Variants in LSAMP observed in about 807,000 individuals in gnomAD.
LSAMP encodes the protein limbic system associated membrane protein.
A neutral mutation model predicts 38.6 loss-of-function variants in LSAMP; 7 were observed. The ratio of observed to expected loss-of-function variants is 0.18; its 90% CI spans 0.10 to 0.34. LSAMP has a LOEUF of 0.34. Ranked by LOEUF, LSAMP falls within the 10% of genes least tolerant of loss-of-function variation. LSAMP has a pLI of 1.00. For missense variants in LSAMP, 313 were observed against 420.0 expected, an observed-to-expected ratio of 0.75 and a Z score of 2.23; for synonymous variants, 154 against 166.8, an observed-to-expected ratio of 0.92 and a Z score of 0.59.
chr3:116,214,312 T>C (rs895898653), intron 1 of LSAMP, among the ~76,000 whole-genome samples: 2 of 152,118 alleles, frequency 1.3e-5, no homozygotes, highest in African/African-American at 4.8e-5. Context: ...TCAGGTCGTG[T>C]TCAAAGAATT....
At chr3:116,274,828 G>A (rs757366321) in intron 1 of LSAMP, among the ~76,000 whole-genome samples, 3 of 151,824 alleles carry the variant, frequency 2.0e-5, no homozygotes, top group African/African-American at 7.3e-5. Context: ...TAGGCACGCT[G>A]TAGTCTTTTT....
chr3:116,087,241 G>A (rs1451937674), intron 1 of LSAMP, among the ~76,000 whole-genome samples: 1 of 152,186 alleles, frequency 6.6e-6, no homozygotes, highest in African/African-American at 2.4e-5. Context: ...CTAAATGCAG[G>A]CAATCTTTAA....
At chr3:116,375,712 A>G (rs1034945654) in intron 1 of LSAMP, among the ~76,000 whole-genome samples, 1 of 151,942 alleles carries the variant, frequency 6.6e-6, no homozygotes, top group South Asian at 2.1e-4. Context: ...GTTGAGGATC[A>G]TAAAAATCAT....
At chr3:116,047,285 C>T (rs1941308466) in intron 2 of LSAMP, among the ~76,000 whole-genome samples, 1 of 151,502 alleles carries the variant, frequency 6.6e-6, no homozygotes, top group Non-Finnish European at 1.5e-5. Flanking sequence ...CAGAAAAATC[C>T]TATATAGAGG....
chr3:115,931,586 C>T (rs184890154), intron 3 of LSAMP, among the ~76,000 whole-genome samples: 320 of 152,292 alleles, frequency 2.1e-3, no homozygotes, highest in African/African-American at 7.5e-3. Flanking sequence ...TCTCTTCTTT[C>T]TCCTTGTCAT....
chr3:116,445,466 T>C lies in LSAMP; in HGVS notation c.-435A>G, dbSNP rs1448953383. The C allele has an allele frequency of 4.5e-6, 2 of 446,476 alleles. No homozygotes were observed. Among genetic ancestry groups the C allele is most frequent in the Non-Finnish European group, 7.8e-6 (2 of 256,106 alleles). The allele number at this position is 446,476 out of a possible 1,614,324, so 27.7% of individuals were successfully genotyped here. A position where few individuals can be genotyped will look rare whatever the true frequency, so the allele number is the denominator to read the frequency against. On this transcript the variant is annotated 5_prime_UTR_variant, in exon 1 of 7. Transcript: ENST00000490035. The stretch of plus-strand genomic sequence containing the variant: ...AGCCGGCACCAAGCCTGCCAGTGAG[T>C]GTACAGAAACAGCCACACAGCAGCA...
intron 2 of LSAMP, among the ~76,000 whole-genome samples, chr3:116,076,350 C>T (rs973557340): frequency 2.6e-5 from 4 of 152,080 alleles, no homozygotes; most frequent in African/African-American, 2.4e-5. Context: ...CTCCACCTCC[C>T]GGGTTCACAC....
chr3:116,302,516 A>ATGAT (rs991242996), intron 1 of LSAMP, among the ~76,000 whole-genome samples: 1 of 152,228 alleles, frequency 6.6e-6, no homozygotes, highest in Non-Finnish European at 1.5e-5. Context: ...CAGCACATCA[A>ATGAT]TGATTAATGC....
chr3:116,040,225 T>G (rs2107715843), intron 2 of LSAMP, among the ~76,000 whole-genome samples: 1 of 152,268 alleles, frequency 6.6e-6, no homozygotes, highest in South Asian at 2.1e-4. Context: ...TTTCTATAGA[T>G]GGAAGAAAAT....
At chr3:116,210,281 A>G (rs940898054) in intron 1 of LSAMP, among the ~76,000 whole-genome samples, 1 of 152,156 alleles carries the variant, frequency 6.6e-6, no homozygotes, top group African/African-American at 2.4e-5. Flanking sequence ...AGGGAGTTTA[A>G]CATTTGAATT....
chr3:115,859,045 C>T (rs1171386387), intron 3 of LSAMP, among the ~76,000 whole-genome samples: 1 of 152,194 alleles, frequency 6.6e-6, no homozygotes, highest in African/African-American at 2.4e-5. Context: ...CACAAGAAAT[C>T]TAGAAAAGAT....
intron 1 of LSAMP, among the ~76,000 whole-genome samples, chr3:116,370,580 C>T (rs2048417341): frequency 1.3e-5 from 2 of 152,162 alleles, no homozygotes. Context: ...ACCTAAGCAG[C>T]ATGCACACAT....
rs539393536 is a variant in LSAMP at position 116,407,475 on chromosome 3, C to T, written c.155+37402G>A. Among the ~76,000 whole-genome samples the T allele has an allele frequency of 2.2e-3, 330 of 152,120 alleles. 2 individuals carry two copies. The highest frequency in any genetic ancestry group is 3.6e-3 in the Non-Finnish European group (244 of 67,956). ...AACCCCTATGCCATTCCCCCCTATA[C>T]CCACCAGTAAGGATACAGCAAGATT... On this transcript the variant is annotated intron_variant, in intron 1 of 6. Transcript: ENST00000490035.
At chr3:116,209,390 G>A (rs143239335) in intron 1 of LSAMP, among the ~76,000 whole-genome samples, 10 of 152,340 alleles carry the variant, frequency 6.6e-5, no homozygotes, top group East Asian at 3.9e-4. Context: ...GCTGTAGACC[G>A]GAGCTGTTCC....
At chr3:116,243,246 T>A (rs2046562478) in intron 1 of LSAMP, among the ~76,000 whole-genome samples, 1 of 152,196 alleles carries the variant, frequency 6.6e-6, no homozygotes, top group Non-Finnish European at 1.5e-5. Context: ...ATATTCTAAC[T>A]GTTCCCTTCC....
intron 6 of LSAMP, among the ~76,000 whole-genome samples, chr3:115,813,567 T>C (rs2107451884): frequency 6.6e-6 from 1 of 152,222 alleles, no homozygotes; most frequent in African/African-American, 2.4e-5. Flanking sequence ...CAATTATTAT[T>C]TATTAAGTGC....
intron 2 of LSAMP, among the ~76,000 whole-genome samples, chr3:116,073,724 G>C (rs2107387949): frequency 6.6e-6 from 1 of 152,232 alleles, no homozygotes; most frequent in South Asian, 2.1e-4. Context: ...TTTGGACTGA[G>C]ACCATGCTAC....
chr3:116,326,532 A>G (rs952872482), intron 1 of LSAMP, among the ~76,000 whole-genome samples: 2 of 152,094 alleles, frequency 1.3e-5, no homozygotes, highest in African/African-American at 4.8e-5. Flanking sequence ...AGGGATAGGG[A>G]GGCACACCAG....
At chr3:115,872,390 A>G (rs977297141) in intron 3 of LSAMP, among the ~76,000 whole-genome samples, 1 of 152,160 alleles carries the variant, frequency 6.6e-6, no homozygotes, top group African/African-American at 2.4e-5. Context: ...ACCCTGCGGC[A>G]TCACCTGCAC....
Sources: allele counts gnomAD v4.1 joint callset (sites outside exome capture counted in the v4.1 genomes callset), GRCh38; gene constraint gnomAD v4.1.1; transcripts MANE v1.5; gene names NCBI Gene and HGNC (gene_info 2026-07-23, HGNC 2026-07-21).